The following EVI5 variants were observed in gnomAD, a reference collection of about 807,000 sequenced individuals.
EVI5 encodes ecotropic viral integration site 5.
In EVI5, 73 loss-of-function variants were observed where a neutral mutation model predicts 112.0. The observed-to-expected ratio is 0.65, with a 90% CI of 0.54 to 0.79. The LOEUF (loss-of-function observed/expected upper bound fraction) is 0.79. EVI5 is among the 30% of genes least tolerant of loss of function. The pLI is 0.00. For missense variants in EVI5, 900 were observed against 968.8 expected (o/e 0.93, Z 0.94); for synonymous variants, 305 against 319.9 (o/e 0.95, Z 0.50).
intron 15 of EVI5, among the ~76,000 whole-genome samples, chr1:92,625,406 C>A (rs185628242): frequency 1.3e-5 from 2 of 152,248 alleles, no homozygotes; most frequent in Admixed American, 1.3e-4. Context: ...AACTAAGTTA[C>A]TAATTTATAC....
At chr1:92,736,834 A>C (rs777152762) in intron 1 of EVI5, among the ~76,000 whole-genome samples, 24 of 152,210 alleles carry the variant, frequency 1.6e-4, no homozygotes, top group Non-Finnish European at 2.8e-4. Flanking sequence ...ACAAATCAGA[A>C]CAGTGTTCCA....
chr1:92,699,941 C>A (rs1462768270), intron 5 of EVI5, among the ~76,000 whole-genome samples: 1 of 152,018 alleles, frequency 6.6e-6, no homozygotes, highest in Non-Finnish European at 1.5e-5. Flanking sequence ...TTTGCAATAG[C>A]ATTGATATGG....
At chr1:92,755,074 T>TG (rs1558208221) in intron 1 of EVI5, among the ~76,000 whole-genome samples, 2 of 150,636 alleles carry the variant, frequency 1.3e-5, no homozygotes, top group African/African-American at 2.4e-5. Context: ...ATAGGTTTTT[T>TG]TTTTTTTTTT....
chr1:92,771,998 G>A (rs563611039), intron 1 of EVI5, among the ~76,000 whole-genome samples: 5 of 151,886 alleles, frequency 3.3e-5, no homozygotes, highest in Non-Finnish European at 7.4e-5. Flanking sequence ...GGGATTACAG[G>A]CACACACCAC....
At chr1:92,721,255 T>C (rs150865190) in intron 2 of EVI5, among the ~76,000 whole-genome samples, 1,760 of 152,240 alleles carry the variant, frequency 0.012, 71 homozygotes, top group Admixed American at 0.079. Flanking sequence ...CTATTCACAA[T>C]AGCAAAAACT....
intron 18 of EVI5, among the ~76,000 whole-genome samples, chr1:92,571,667 G>A (rs1248803565): frequency 6.6e-6 from 1 of 152,056 alleles, no homozygotes; most frequent in Non-Finnish European, 1.5e-5. Flanking sequence ...TTAGTTCTGG[G>A]ACAGTTCATT....
At chr1:92,674,309 G>C in intron 10 of EVI5, among the ~76,000 whole-genome samples, 1 of 152,024 alleles carries the variant, frequency 6.6e-6, no homozygotes, top group African/African-American at 2.4e-5. Flanking sequence ...TGATAGACTG[G>C]ATAAAGAAAA....
chr1:92,589,891 C>A (rs567635207), intron 18 of EVI5, among the ~76,000 whole-genome samples: 1 of 152,166 alleles, frequency 6.6e-6, no homozygotes, highest in East Asian at 1.9e-4. Context: ...ACACCTCACA[C>A]GGCCGGGTAC....
Position 92,723,898 on chromosome 1 carries a change from T to TA in EVI5, c.149+12499dup, listed in dbSNP as rs1435635653. On this transcript the variant is annotated intron_variant, in intron 2 of 19. Transcript: ENST00000684568. Reference sequence around the variant, plus strand: ...ACGGCTGCTCTGGGAATGTCTGTCTTACGCGGTTGAGATAAGGACTGAAAT... The same window carrying TA: ...ACGGCTGCTCTGGGAATGTCTGTCTTAACGCGGTTGAGATAAGGACTGAAAT... Among the ~76,000 whole-genome samples, 20 of 152,280 alleles carry TA rather than the reference T, an allele frequency of 1.3e-4. No homozygotes were observed. In the East Asian group the frequency reaches 3.7e-3, roughly 28 times the overall value.
chr1:92,522,565 G>A (rs905650687), intron 19 of EVI5, among the ~76,000 whole-genome samples: 21 of 132,048 alleles, frequency 1.6e-4, no homozygotes, highest in African/African-American at 5.1e-4. Flanking sequence ...CCTGGGAGGC[G>A]GGGGTTCACT....
chr1:92,702,204 TAA>T lies in EVI5; in HGVS notation c.574_575del (p.Leu192SerfsTer4). On this transcript the variant is annotated frameshift_variant, in exon 5 of 20. Coordinates refer to ENST00000684568, the MANE Select transcript of EVI5 (RefSeq NM_001350197.2). LOFTEE classifies it high-confidence loss of function. ...GACAGTAACCAACCTCACGATCTAC[TAA>T]AGAGTAAGCCTAAAAAGTAAAAAAA... is the stretch of plus-strand genomic sequence containing the variant. ...VLFNVMKAYS[L>X]VDREVGYCQG... 1 of 1,509,536 alleles carries T rather than the reference TAA, an allele frequency of 6.6e-7. No individual in the cohort carries two copies. Among genetic ancestry groups the T allele is most frequent in the Non-Finnish European group, 8.8e-7 (1 of 1,133,154 alleles). The allele number at this position is 1,509,536 out of a possible 1,614,324, so 93.5% of individuals were successfully genotyped here. A position where few individuals can be genotyped will look rare whatever the true frequency, so the allele number is the denominator to read the frequency against.
chr1:92,530,719 A>G (rs977236917), intron 19 of EVI5, among the ~76,000 whole-genome samples: 2 of 151,902 alleles, frequency 1.3e-5, no homozygotes, highest in Admixed American at 1.3e-4. Flanking sequence ...AAAACTAACA[A>G]GCAGAAAGGC....
intron 10 of EVI5, among the ~76,000 whole-genome samples, chr1:92,670,317 T>C (rs1328797360): frequency 1.3e-5 from 2 of 152,252 alleles, no homozygotes; most frequent in African/African-American, 2.4e-5. Context: ...TTTCCTATTC[T>C]TTCCAGCTTA....
intron 13 of EVI5, among the ~76,000 whole-genome samples, chr1:92,648,767 T>G (rs1254134669): frequency 6.6e-6 from 1 of 152,252 alleles, no homozygotes; most frequent in African/African-American, 2.4e-5. Flanking sequence ...AATTTGTTAA[T>G]CCATTCACCC....
chr1:92,758,112 T>C (rs1378785884), intron 1 of EVI5, among the ~76,000 whole-genome samples: 1 of 152,058 alleles, frequency 6.6e-6, no homozygotes, highest in African/African-American at 2.4e-5. Context: ...ACATACAATA[T>C]AATACCATAT....
At chr1:92,521,523 T>C (rs1660928916) in intron 19 of EVI5, among the ~76,000 whole-genome samples, 1 of 152,076 alleles carries the variant, frequency 6.6e-6, no homozygotes, top group African/African-American at 2.4e-5. Context: ...AAACCCTGTC[T>C]CTACTAAAAA....
intron 2 of EVI5, among the ~76,000 whole-genome samples, chr1:92,720,195 C>A (rs1432806450): frequency 6.6e-6 from 1 of 151,866 alleles, no homozygotes; most frequent in Non-Finnish European, 1.5e-5. Context: ...CATATGGAAC[C>A]AAAAAAGAGC....
chr1:92,792,153 A>C lies in EVI5; in HGVS notation c.51+191T>G, dbSNP rs144824623. Among the ~76,000 whole-genome samples, 563 of 152,328 alleles carry C rather than the reference A, an allele frequency of 3.7e-3. 3 individuals carry two copies. Among genetic ancestry groups the C allele is most frequent in the African/African-American group, 0.013 (543 of 41,582 alleles). Reference sequence around the variant, plus strand: ...TAACACTTCATAAATTTTGTTCATCACTCGAATGGCTGCAGTACAATGAGA... The same window carrying C: ...TAACACTTCATAAATTTTGTTCATCCCTCGAATGGCTGCAGTACAATGAGA... On this transcript the variant is annotated intron_variant, in intron 1 of 17. Coordinates refer to the EVI5 transcript ENST00000370331.
At position 92,736,434 on chromosome 1, in the gene EVI5, T is replaced by C; in HGVS notation, c.113A>G (p.Asp38Gly). ...TTCCAGTTTAGCCAGGAGTTCTAAG[T>C]CGTCTGGACTCAACTGTGATGGGGA... ...PSSPSQLSPD[D>G]LELLAKLEEQ... is the part of the protein sequence containing the mutation. The change falls in exon 2 of 20, where the codon GAC (aspartate) becomes GGC (glycine). Residue 38 changes from aspartate to glycine, a missense_variant. Asp to Gly is a moderately conservative substitution (Grantham distance 94, BLOSUM62 -1). Transcript: ENST00000684568. 1 of 1,613,670 alleles carries C rather than the reference T, an allele frequency of 6.2e-7. No homozygotes were observed. The highest frequency in any genetic ancestry group is 8.5e-7 in the Non-Finnish European group (1 of 1,179,662).
Sources: gnomAD v4.1 joint callset for allele counts (sites outside exome capture counted in the v4.1 genomes callset) on GRCh38, gnomAD v4.1.1 for gene constraint, MANE v1.5 for transcripts, NCBI Gene and HGNC (gene_info 2026-07-23, HGNC 2026-07-21) for gene names.